IL6ST: variants seen among roughly 807,000 people sequenced by gnomAD.
The protein encoded by IL6ST is interleukin-6 receptor subunit beta.
A neutral mutation model predicts 91.3 loss-of-function variants in IL6ST; 24 were observed. That is an observed-to-expected ratio of 0.26 (90% confidence interval 0.19 to 0.37). The LOEUF (loss-of-function observed/expected upper bound fraction) is 0.37, where lower values mean the gene tolerates loss of function less well. Among genes scored for constraint, IL6ST ranks in the 10% least tolerant of loss-of-function variants. IL6ST has a pLI of 1.00. For missense variants in IL6ST, 914 were observed against 1,078.5 expected, an observed-to-expected ratio of 0.85 and a Z score of 2.14; for synonymous variants, 351 against 373.6, an observed-to-expected ratio of 0.94 and a Z score of 0.70.
At chr5:55,950,283 T>A (rs1751544024) in intron 14 of IL6ST, 1 of 439,962 alleles carries the variant, frequency 2.3e-6, no homozygotes, top group Admixed American at 2.5e-5. Flanking sequence ...ATGCCTGTAA[T>A]CCCAGCACTT....
At chr5:55,992,442 T>C (rs909851343) in intron 1 of IL6ST, among the ~76,000 whole-genome samples, 1 of 152,230 alleles carries the variant, frequency 6.6e-6, no homozygotes, top group African/African-American at 2.4e-5. Context: ...AACCTTCTTG[T>C]GCCTGGGTTT....
In IL6ST at chr5:55,951,593, C is replaced by G. The variant is rs778138687; in HGVS notation, c.1711G>C (p.Asp571His). ...AATGTATATTCTGTGTGGGAAGAATCCACATTCACAGCTGGAAGAAATAAG... is the reference window on the plus strand; with the variant it reads ...AATGTATATTCTGTGTGGGAAGAATGCACATTCACAGCTGGAAGAAATAAG... ...IIGNETAVNV[D>H]SSHTEYTLSS... The change falls in exon 14 of 17, where the codon GAT becomes CAT. Residue 571 changes from aspartate (D) to histidine (H), a missense_variant. Coordinates refer to ENST00000381298, the MANE Select transcript of IL6ST (RefSeq NM_002184.4). The G allele has an allele frequency of 3.0e-5, 49 of 1,608,976 alleles. No individual in the cohort carries two copies. Among genetic ancestry groups the G allele is most frequent in the Non-Finnish European group, 4.2e-5 (49 of 1,178,568 alleles).
At chr5:55,954,753 A>C in intron 11 of IL6ST, 57 bp downstream of exon 11, 1 of 1,335,896 alleles carries the variant, frequency 7.5e-7, no homozygotes, top group South Asian at 1.4e-5. Flanking sequence ...CAAAAGAAAA[A>C]GCTGCCTAAA....
rs1750927153 is a variant in IL6ST at position 55,941,649 on chromosome 5, C to T, written c.2190G>A (p.Gly730=). The change falls in exon 17 of 17, where the codon GGG becomes GGA. Residue 730 remains glycine (G), a synonymous_variant. Coordinates refer to ENST00000381298, the MANE Select transcript of IL6ST (RefSeq NM_002184.4). ...GCCTAGAAGATGACATGCATGAAGACCCCCCAATACCACTGCTGTGTCCTT... is the reference window on the plus strand; with the variant it reads ...GCCTAGAAGATGACATGCATGAAGATCCCCCAATACCACTGCTGTGTCCTT... ...NTEGHSSGIG[G]SSCMSSSRPS... is the part of the protein sequence containing the mutation. 1 of 1,613,968 alleles carries T rather than the reference C, an allele frequency of 6.2e-7. No homozygotes were observed. Among genetic ancestry groups the T allele is most frequent in the African/African-American group, 1.3e-5 (1 of 75,036 alleles).
At chr5:55,959,575 T>A in intron 8 of IL6ST, 2 of 912,486 alleles carry the variant, frequency 2.2e-6, no homozygotes, top group Non-Finnish European at 3.0e-6. Context: ...CCTTTTTTAT[T>A]CTATATCATA....
chr5:55,942,603 G>T, intron 16 of IL6ST, 67 bp downstream of exon 16: 1 of 791,180 alleles, frequency 1.3e-6, no homozygotes, highest in Non-Finnish European at 2.2e-6. Context: ...CCTACTAACT[G>T]TAGATACTCA....
rs1750747558 is a variant in IL6ST at position 55,939,498 on chromosome 5, T to C, written c.*1584A>G. On this transcript the variant is annotated 3_prime_UTR_variant, in exon 17 of 17. Coordinates refer to ENST00000381298, the MANE Select transcript of IL6ST (RefSeq NM_002184.4). The stretch of plus-strand genomic sequence containing the variant: ...AGTGTAATTATATTTCCATTGTAAA[T>C]GTATACCAAGTTTTCTTAGCTTTCT... 1 of 205,638 alleles carries C rather than the reference T, an allele frequency of 4.9e-6. No individual in the cohort carries two copies. Among genetic ancestry groups the C allele is most frequent in the Non-Finnish European group, 9.9e-6 (1 of 100,614 alleles). The allele number at this position is 205,638 out of a possible 1,614,324, so 12.7% of individuals were successfully genotyped here.
At position 55,937,887 on chromosome 5, in the gene IL6ST, T is replaced by C. The variant is rs1368391347; in HGVS notation, c.*3195A>G. ...AGCAAAATTAGAATGATGTGGACTA[T>C]AACAGAATGAAGGAAGATCTCTCCT... On this transcript the variant is annotated 3_prime_UTR_variant, in exon 17 of 17. Coordinates refer to ENST00000381298, the MANE Select transcript of IL6ST (RefSeq NM_002184.4). The C allele has an allele frequency of 5.0e-6, 1 of 198,448 alleles. No individual in the cohort carries two copies. The highest frequency in any genetic ancestry group is 1.0e-5 in the Non-Finnish European group (1 of 95,832). The allele number at this position is 198,448 out of a possible 1,614,324, so 12.3% of individuals were successfully genotyped here.
At chr5:55,967,870 C>T (rs948772541) in intron 5 of IL6ST, among the ~76,000 whole-genome samples, 36 of 152,086 alleles carry the variant, frequency 2.4e-4, no homozygotes, top group African/African-American at 6.8e-4. Context: ...AATCCGGGCT[C>T]ACTGCAACCT....
intron 3 of IL6ST, among the ~76,000 whole-genome samples, chr5:55,974,948 CACACACAT>C (rs1172263680): frequency 2.0e-5 from 3 of 148,008 alleles, no homozygotes; most frequent in Non-Finnish European, 4.4e-5. Context: ...CACACACACA[CACACACAT>C]ACACACACAC....
intron 3 of IL6ST, 54 bp from the exon 4 acceptor site, chr5:55,969,909 A>T: frequency 8.3e-7 from 1 of 1,200,132 alleles, no homozygotes; most frequent in Admixed American, 2.0e-5. Flanking sequence ...CTGGTACAAA[A>T]TGATATCTAG....
intron 1 of IL6ST, among the ~76,000 whole-genome samples, chr5:55,991,882 AAC>A (rs1754354762): frequency 6.6e-6 from 1 of 152,160 alleles, no homozygotes; most frequent in Admixed American, 6.5e-5. Flanking sequence ...GTAGTTTCCA[AAC>A]TGCAAAGCAA....
chr5:55,950,766 T>G (rs1364830323), intron 14 of IL6ST, among the ~76,000 whole-genome samples: 4 of 151,668 alleles, frequency 2.6e-5, no homozygotes, highest in African/African-American at 9.7e-5. Flanking sequence ...AAGGATCACT[T>G]GAGCCCAGGA....
In IL6ST at chr5:55,942,706, A is replaced by G; in HGVS notation, c.1983T>C (p.Ser661=). Residue 661 remains serine (S), a synonymous_variant, in exon 16 of 17, where the codon AGT becomes AGC. Transcript: ENST00000381298. The part of the protein sequence containing the change: ...IWPNVPDPSK[S]HIAQWSPHTP... ...TGTGAGGTGACCACTGGGCAATATG[A>G]CTCTTTGAAGGATCTGGAACATTAG... 6.2e-7 allele frequency: 1 copy of G among 1,609,306 alleles called. No homozygotes were observed. Among genetic ancestry groups the G allele is most frequent in the South Asian group, 1.1e-5 (1 of 90,924 alleles).
Position 55,939,162 on chromosome 5 carries a change from C to T in IL6ST, c.*1920G>A, listed in dbSNP as rs1449218769. The T allele has an allele frequency of 1.4e-5, 3 of 212,218 alleles. No homozygotes were observed. The Admixed American group carries it at 1.8e-4, about 12-fold the overall frequency. 13.1% of individuals were successfully genotyped at this position (212,218 alleles called of 1,614,324 possible). A position where few individuals can be genotyped will look rare whatever the true frequency, so the allele number is the denominator to read the frequency against. On this transcript the variant is annotated 3_prime_UTR_variant, in exon 17 of 17. Coordinates refer to ENST00000381298, the MANE Select transcript of IL6ST (RefSeq NM_002184.4). ...AAATTTCCTGACACATACAGCAAGA[C>T]AAATCCAGCCCAGCCTTTGATGATC... is the stretch of plus-strand genomic sequence containing the variant.
intron 1 of IL6ST, among the ~76,000 whole-genome samples, chr5:55,984,106 TA>T (rs1163701081): frequency 2.6e-5 from 4 of 152,278 alleles, no homozygotes; most frequent in African/African-American, 9.6e-5. Context: ...TCGTGGGCTT[TA>T]AGTTCTCTCT....
chr5:55,951,032 A>G (rs1751602040), intron 14 of IL6ST, among the ~76,000 whole-genome samples: 1 of 152,148 alleles, frequency 6.6e-6, no homozygotes, highest in African/African-American at 2.4e-5. Context: ...TCTGAGTGAC[A>G]CCAGAGAGGT....
chr5:55,951,851 G>C, intron 13 of IL6ST, 78 bp downstream of exon 13: 6 of 935,548 alleles, frequency 6.4e-6, no homozygotes, highest in Non-Finnish European at 9.6e-6. Context: ...AGATGTATAA[G>C]AAGAACAGAC....
At chr5:55,962,506 T>C (rs1040318334) in intron 7 of IL6ST, among the ~76,000 whole-genome samples, 1 of 152,166 alleles carries the variant, frequency 6.6e-6, no homozygotes, top group African/African-American at 2.4e-5. Context: ...TATCAATCCC[T>C]TCCTCTACCT....
Sources: gnomAD v4.1 joint callset for allele counts (sites outside exome capture counted in the v4.1 genomes callset) on GRCh38, gnomAD v4.1.1 for gene constraint, MANE v1.5 for transcripts, NCBI Gene and HGNC (gene_info 2026-07-23, HGNC 2026-07-21) for gene names.